The following MS4A4A variants were observed in gnomAD, a reference collection of about 807,000 sequenced individuals.
MS4A4A encodes the protein membrane-spanning 4-domains subfamily A member 4A.
MS4A4A carries 26 observed loss-of-function variants against 28.0 expected under a neutral mutation model. The observed-to-expected ratio is 0.93, with a 90% CI of 0.68 to 1.29. MS4A4A has a LOEUF of 1.29. Ranked by LOEUF, MS4A4A falls within the 50% of genes most tolerant of loss-of-function variation. The pLI is 0.00. For missense variants in MS4A4A, 290 were observed against 293.1 expected (o/e 0.99, Z 0.08); for synonymous variants, 86 against 100.8 (o/e 0.85, Z 0.88).
At chr11:60,284,989 A>C (rs867863653) in intron 1 of MS4A4A, among the ~76,000 whole-genome samples, 1 of 152,190 alleles carries the variant, frequency 6.6e-6, no homozygotes, top group Non-Finnish European at 1.5e-5. Flanking sequence ...ACATTAGAAG[A>C]CCTAAATAGA....
chr11:60,305,649 C>G (rs1411812188), intron 5 of MS4A4A: 1 of 154,136 alleles, frequency 6.5e-6, no homozygotes, highest in Non-Finnish European at 1.4e-5. Context: ...AAATTTAATC[C>G]TTTTCGCTGT....
intron 1 of MS4A4A, among the ~76,000 whole-genome samples, chr11:60,286,844 G>A (rs1408237077): frequency 6.6e-6 from 1 of 152,112 alleles, no homozygotes; most frequent in Non-Finnish European, 1.5e-5. Context: ...TTTGACTTTT[G>A]TTCAAAGATT....
At chr11:60,291,562 G>A (rs576347064) in intron 1 of MS4A4A, among the ~76,000 whole-genome samples, 2 of 152,092 alleles carry the variant, frequency 1.3e-5, no homozygotes, top group Non-Finnish European at 2.9e-5. Flanking sequence ...CACTTTGGGA[G>A]GCCGAGGCGG....
chr11:60,301,822 C>A (rs549883400), intron 4 of MS4A4A, among the ~76,000 whole-genome samples: 1 of 152,272 alleles, frequency 6.6e-6, no homozygotes, highest in South Asian at 2.1e-4. Context: ...TCTTATTACC[C>A]AGGCTGGAGT....
At chr11:60,289,593 G>A (rs201548095) in intron 1 of MS4A4A, among the ~76,000 whole-genome samples, 1,017 of 64,098 alleles carry the variant, frequency 0.016, 13 homozygotes, top group African/African-American at 0.053. Flanking sequence ...GTGTGTGTGT[G>A]TATGTGTGTG....
chr11:60,300,488 C>T (rs2084942117), intron 3 of MS4A4A, among the ~76,000 whole-genome samples: 1 of 151,658 alleles, frequency 6.6e-6, no homozygotes, highest in African/African-American at 2.4e-5. Flanking sequence ...TAGTGGCGGG[C>T]TCCTGTAGTC....
intron 1 of MS4A4A, among the ~76,000 whole-genome samples, chr11:60,281,046 A>G (rs2084751302): frequency 6.6e-6 from 1 of 152,172 alleles, no homozygotes. Context: ...TTGACTAGTT[A>G]CCTCATCTAC....
At chr11:60,295,180 A>AT (rs957976439) in intron 2 of MS4A4A, among the ~76,000 whole-genome samples, 10 of 150,770 alleles carry the variant, frequency 6.6e-5, no homozygotes, top group South Asian at 2.1e-4. Flanking sequence ...GATTTTGTAC[A>AT]TTTTTTTTTA....
At chr11:60,292,990 GA>G (rs886760960) in intron 2 of MS4A4A, among the ~76,000 whole-genome samples, 3 of 152,176 alleles carry the variant, frequency 2.0e-5, no homozygotes, top group Non-Finnish European at 2.9e-5. Context: ...TGGAGGGGGG[GA>G]AATATAGTTA....
chr11:60,295,278 C>T (rs1219245405), intron 2 of MS4A4A, among the ~76,000 whole-genome samples: 2 of 151,690 alleles, frequency 1.3e-5, no homozygotes, highest in Non-Finnish European at 2.9e-5. Context: ...TTTTTAATTC[C>T]AAATTTCACT....
intron 3 of MS4A4A, among the ~76,000 whole-genome samples, chr11:60,299,374 A>G (rs1272961940): frequency 6.6e-6 from 1 of 151,542 alleles, no homozygotes; most frequent in Non-Finnish European, 1.5e-5. Flanking sequence ...AAATGATCCT[A>G]CATTTTTATC....
At chr11:60,298,036 T>C (rs1394661964) in intron 3 of MS4A4A, among the ~76,000 whole-genome samples, 1 of 150,412 alleles carries the variant, frequency 6.6e-6, no homozygotes, top group East Asian at 1.9e-4. Flanking sequence ...AACTAATTAT[T>C]ATAATTAATA....
chr11:60,291,210 A>G (rs928600321), intron 1 of MS4A4A, among the ~76,000 whole-genome samples: 14 of 152,198 alleles, frequency 9.2e-5, no homozygotes, highest in Non-Finnish European at 1.9e-4. Flanking sequence ...TCAAAAAATG[A>G]TTTGATGGAT....
At chr11:60,289,300 T>C (rs962018009) in intron 1 of MS4A4A, among the ~76,000 whole-genome samples, 3 of 152,018 alleles carry the variant, frequency 2.0e-5, no homozygotes, top group Non-Finnish European at 2.9e-5. Context: ...ACTCTAAGTG[T>C]CTCCAGTAGT....
rs1343367499 is a variant in MS4A4A, at chr11:60,308,173, G to T, written c.715G>T (p.Val239Phe). ...ETASPTPLNE[V>F] ...AGCATCTCCCACACCACTTAATGAG[G>T]TTTGAGGCCACCAAAAGATCAACAG... Residue 239 changes from valine (V) to phenylalanine (F), a missense_variant, in exon 7 of 7, where the codon GTT becomes TTT. By Grantham distance (50) the Val-to-Phe change is conservative. Transcript: ENST00000337908. 6.2e-7 allele frequency: 1 copy of T among 1,613,688 alleles called. No individual in the cohort carries two copies. Among genetic ancestry groups the T allele is most frequent in the East Asian group, 2.2e-5 (1 of 44,872 alleles).
At chr11:60,296,839 C>T (rs1301451903) in intron 2 of MS4A4A, 1 of 277,914 alleles carries the variant, frequency 3.6e-6, no homozygotes, top group Non-Finnish European at 6.9e-6. Context: ...GGTTACTTCT[C>T]CTTGCTACAA....
chr11:60,294,301 G>A (rs1426826398), intron 2 of MS4A4A, among the ~76,000 whole-genome samples: 1 of 152,078 alleles, frequency 6.6e-6, no homozygotes, highest in Admixed American at 6.5e-5. Flanking sequence ...TTTTTAATGA[G>A]GACGTTTATG....
At position 60,292,398 on chromosome 11, in the gene MS4A4A, C is replaced by T; in HGVS notation, c.201+14C>T. The T allele has an allele frequency of 1.3e-6, 2 of 1,582,952 alleles. No individual in the cohort carries two copies. Among genetic ancestry groups the T allele is most frequent in the East Asian group, 4.6e-5 (2 of 43,416 alleles). ...AAAGTCCTTGGGGTAAGTTGCAAATCTAGGGGAAGACCAATGGTGTTGCAA... is the reference window on the plus strand; with the variant it reads ...AAAGTCCTTGGGGTAAGTTGCAAATTTAGGGGAAGACCAATGGTGTTGCAA... On this transcript the variant is annotated intron_variant, in intron 2 of 6. Transcript: ENST00000337908.
chr11:60,295,180 AT>A (rs957976439), intron 2 of MS4A4A, among the ~76,000 whole-genome samples: 9 of 150,750 alleles, frequency 6.0e-5, no homozygotes, highest in African/African-American at 1.5e-4. Flanking sequence ...GATTTTGTAC[AT>A]TTTTTTTTAG....
Sources: allele counts gnomAD v4.1 joint callset (sites outside exome capture counted in the v4.1 genomes callset), GRCh38; gene constraint gnomAD v4.1.1; transcripts MANE v1.5; gene names NCBI Gene and HGNC (gene_info 2026-07-23, HGNC 2026-07-21).